Variants in ZFPM1 observed in about 807,000 individuals in gnomAD.
ZFPM1 encodes the protein zinc finger protein, FOG family member 1, also known as zinc finger protein ZFPM1.
A neutral mutation model predicts 46.3 loss-of-function variants in ZFPM1; 28 were observed. The observed-to-expected ratio is 0.60, with a 90% CI of 0.45 to 0.83. The LOEUF is 0.83. Among genes scored for constraint, ZFPM1 ranks in the 40% least tolerant of loss-of-function variants. The pLI is 0.00. For missense variants in ZFPM1, 1,878 were observed against 1,432.4 expected, an observed-to-expected ratio of 1.31 and a Z score of -5.02; for synonymous variants, 957 against 675.9, an observed-to-expected ratio of 1.42 and a Z score of -6.45.
rs1379024322 is a variant in ZFPM1 at position 88,534,079 on chromosome 16, C to T, written c.2121C>T (p.Ala707=). 2.4e-6 allele frequency: 3 copies of T among 1,241,322 alleles called. No homozygotes were observed. The highest frequency in any genetic ancestry group is 3.1e-6 in the Non-Finnish European group (3 of 969,044). The allele number at this position is 1,241,322 out of a possible 1,614,324, so 76.9% of individuals were successfully genotyped here. ...TYTVHKRYYC[A]SRHDPPPRRP... is the part of the protein sequence containing the mutation. ...CCGTGCACAAGCGGTACTACTGCGC[C>T]TCGCGCCACGACCCGCCGCCGCGCC... The change falls in exon 10 of 10, where the codon GCC becomes GCT. Residue 707 remains alanine (A), a synonymous_variant. Coordinates refer to ENST00000319555, the MANE Select transcript of ZFPM1 (RefSeq NM_153813.3).
chr16:88,475,673 A>T lies in ZFPM1; in HGVS notation c.41-10266A>T, dbSNP rs145593383. Among the ~76,000 whole-genome samples the T allele has an allele frequency of 3.3e-3, 497 of 152,312 alleles. 2 individuals carry two copies. The highest frequency in any genetic ancestry group is 0.011 in the African/African-American group (467 of 41,564). On this transcript the variant is annotated intron_variant, in intron 1 of 9. Coordinates refer to ENST00000319555, the MANE Select transcript of ZFPM1 (RefSeq NM_153813.3). The stretch of plus-strand genomic sequence containing the variant: ...AAGGGTGCAGGCAGGCTGCTGGGTC[A>T]GCACACCTGGATCTGTGCTATCTGT...
intron 1 of ZFPM1, among the ~76,000 whole-genome samples, chr16:88,463,111 C>T (rs1205021578): frequency 6.6e-6 from 1 of 152,246 alleles, no homozygotes; most frequent in Non-Finnish European, 1.5e-5. Context: ...CCATCAAGCT[C>T]CCACTTCCCA....
At position 88,534,781 on chromosome 16, in the gene ZFPM1, G is replaced by A. The variant is rs769139446; in HGVS notation, c.2823G>A (p.Glu941=). ...CCCCGTCCCCGGCCGCCGCGCCCGA[G>A]GCCGTGCCGCCCCCGCCGGCGCCCC... ...GPPPSPAAAP[E]AVPPPPAPPS... Residue 941 remains glutamate, a synonymous_variant, in exon 10 of 10, where the codon GAG becomes GAA. Transcript: ENST00000319555. 31 of 1,287,588 alleles carry A rather than the reference G, an allele frequency of 2.4e-5. No homozygotes were observed. In the African/African-American group the frequency reaches 4.5e-4, roughly 19 times the overall value. The allele number at this position is 1,287,588 out of a possible 1,614,324, so 79.8% of individuals were successfully genotyped here. A position where few individuals can be genotyped will look rare whatever the true frequency, so the allele number is the denominator to read the frequency against.
intron 1 of ZFPM1, among the ~76,000 whole-genome samples, chr16:88,464,494 C>G (rs1433576887): frequency 6.6e-6 from 1 of 152,290 alleles, no homozygotes; most frequent in African/African-American, 2.4e-5. Context: ...TGGGACTACC[C>G]CAGCCTTCTT....
At chr16:88,467,115 T>C (rs1293939145) in intron 1 of ZFPM1, among the ~76,000 whole-genome samples, 1 of 152,158 alleles carries the variant, frequency 6.6e-6, no homozygotes, top group Non-Finnish European at 1.5e-5. Context: ...AGTGTGCCGA[T>C]GACCTCAGTG....
Position 88,534,039 on chromosome 16 carries a change from G to T in ZFPM1, c.2081G>T (p.Arg694Leu), listed in dbSNP as rs528968511. Residue 694 changes from arginine to leucine, a missense_variant, in exon 10 of 10, where the codon CGC becomes CTC. Physicochemically the swap from Arg to Leu is moderately radical, Grantham distance 102 (BLOSUM62 -2). Coordinates refer to ENST00000319555, the MANE Select transcript of ZFPM1 (RefSeq NM_153813.3). ...GAGGCCTGCAACATCCGCTTCAGCCGCCACGAGACCTACACCGTGCACAAG... is the reference window on the plus strand; with the variant it reads ...GAGGCCTGCAACATCCGCTTCAGCCTCCACGAGACCTACACCGTGCACAAG... ...LCEACNIRFS[R>L]HETYTVHKRY... The T allele has an allele frequency of 1.6e-5, 21 of 1,326,286 alleles. No individual in the cohort carries two copies. Among genetic ancestry groups the T allele is most frequent in the Non-Finnish European group, 2.0e-5 (20 of 1,023,224 alleles). 82.2% of individuals were successfully genotyped at this position (1,326,286 alleles called of 1,614,324 possible). A position where few individuals can be genotyped will look rare whatever the true frequency, so the allele number is the denominator to read the frequency against.
rs1043468522 is a variant in ZFPM1 at position 88,471,005 on chromosome 16, C to T, written c.41-14934C>T. On this transcript the variant is annotated intron_variant, in intron 1 of 9. Transcript: ENST00000319555. This position sits in a 1 kb window ranked among gnomAD's most constrained non-coding sequence, Gnocchi z 4.1. ...GCCCAGCTCAGATGCCAGTACCTCA[C>T]CCGGTGGGGTCCAGCCTCCGCGACA... Among the ~76,000 whole-genome samples, 62 of 152,284 alleles carry T rather than the reference C, an allele frequency of 4.1e-4. No homozygotes were observed. Among genetic ancestry groups the T allele is most frequent in the African/African-American group, 1.4e-3 (58 of 41,554 alleles).
chr16:88,465,077 G>A (rs1434958146), intron 1 of ZFPM1, among the ~76,000 whole-genome samples: 6 of 152,144 alleles, frequency 3.9e-5, no homozygotes, highest in Admixed American at 2.6e-4. Context: ...GTGGGTGGGA[G>A]CCCTTGGCCG....
intron 4 of ZFPM1, among the ~76,000 whole-genome samples, chr16:88,519,475 G>A (rs1380599789): frequency 6.6e-6 from 1 of 151,272 alleles, no homozygotes; most frequent in Non-Finnish European, 1.5e-5. Context: ...TGGATGGATG[G>A]ATAGACATAT....
At chr16:88,516,748 G>A (rs547042880) in intron 4 of ZFPM1, 2 of 395,218 alleles carry the variant, frequency 5.1e-6, no homozygotes, top group Admixed American at 8.9e-5. Flanking sequence ...GGAGGACGTT[G>A]CCTCCTGCCC....
Position 88,532,623 on chromosome 16 carries a change from C to T in ZFPM1, c.956C>T (p.Pro319Leu). ...GCGCCCTGTGTTCCAGGAGAGCGGCCCTTCGTGTGCCTGATCTGCCTGTCG... is the reference window on the plus strand; with the variant it reads ...GCGCCCTGTGTTCCAGGAGAGCGGCTCTTCGTGTGCCTGATCTGCCTGTCG... ...IHMRSHSGER[P>L]FVCLICLSAF... Residue 319 changes from proline to leucine, a missense_variant, in exon 8 of 10, where the codon CCC (proline) becomes CTC (leucine). By Grantham distance (98) the Pro-to-Leu change is moderately conservative (BLOSUM62 -3). Transcript: ENST00000319555. 6.4e-7 allele frequency: 1 copy of T among 1,569,988 alleles called. No individual in the cohort carries two copies. Among genetic ancestry groups the T allele is most frequent in the Middle Eastern group, 1.7e-4 (1 of 6,008 alleles).
At chr16:88,455,128 C>G (rs1451839236) in intron 1 of ZFPM1, among the ~76,000 whole-genome samples, 1 of 134,664 alleles carries the variant, frequency 7.4e-6, no homozygotes, top group African/African-American at 2.8e-5. Context: ...ATGTTCGGTT[C>G]TGGGGTGTGT....
intron 4 of ZFPM1, among the ~76,000 whole-genome samples, chr16:88,523,779 C>A (rs542159485): frequency 6.6e-6 from 1 of 152,166 alleles, no homozygotes; most frequent in Non-Finnish European, 1.5e-5. Flanking sequence ...ACCCCTAGGT[C>A]TCCTACCTGT....
chr16:88,510,614 C>T (rs1004874683), intron 3 of ZFPM1, among the ~76,000 whole-genome samples: 3 of 152,194 alleles, frequency 2.0e-5, no homozygotes, highest in Admixed American at 6.5e-5. Context: ...CCTGTAGTGG[C>T]GGCCCCATTC....
Position 88,532,622 on chromosome 16 carries a change from C to A in ZFPM1, c.955C>A (p.Pro319Thr). Residue 319 changes from proline to threonine, a missense_variant, in exon 8 of 10, where the codon CCC (proline) becomes ACC (threonine). Transcript: ENST00000319555. ...CGCGCCCTGTGTTCCAGGAGAGCGG[C>A]CCTTCGTGTGCCTGATCTGCCTGTC... ...IHMRSHSGER[P>T]FVCLICLSAF... The A allele has an allele frequency of 6.4e-7, 1 of 1,569,140 alleles. No individual in the cohort carries two copies.
chr16:88,531,580 C>T (rs952328396), intron 6 of ZFPM1, among the ~76,000 whole-genome samples: 1 of 152,208 alleles, frequency 6.6e-6, no homozygotes, highest in Non-Finnish European at 1.5e-5. Context: ...CAGCCTGGCA[C>T]TCCCACGCAC....
chr16:88,513,631 G>GGGCCAGGTGT (rs959643821), intron 3 of ZFPM1, among the ~76,000 whole-genome samples: 7 of 152,240 alleles, frequency 4.6e-5, no homozygotes, highest in African/African-American at 7.2e-5. Flanking sequence ...AGGCAGGTGA[G>GGGCCAGGTGT]GGCCAGGTGT....
chr16:88,520,814 TG>T (rs1597275131), intron 4 of ZFPM1, among the ~76,000 whole-genome samples: 1 of 58,680 alleles, frequency 1.7e-5, no homozygotes, highest in Non-Finnish European at 3.3e-5. Context: ...GGTGGGTGGA[TG>T]GATGGATGGA....
intron 3 of ZFPM1, among the ~76,000 whole-genome samples, chr16:88,503,746 G>A (rs1406662635): frequency 6.6e-6 from 1 of 152,136 alleles, no homozygotes; most frequent in Non-Finnish European, 1.5e-5. Context: ...TCTGCCTCCG[G>A]GACTCACATG....
Sources: gnomAD v4.1 joint callset for allele counts (sites outside exome capture counted in the v4.1 genomes callset) on GRCh38, gnomAD v4.1.1 for gene constraint, Gnocchi (gnomAD v3.1) non-coding constraint, MANE v1.5 for transcripts, NCBI Gene and HGNC (gene_info 2026-07-23, HGNC 2026-07-21) for gene names.